Variants in NAV1 observed in about 807,000 individuals in gnomAD.
NAV1 encodes neuron navigator 1.
Under a neutral mutation model 175.2 loss-of-function variants are expected in NAV1, and 18 were observed. The ratio of observed to expected loss-of-function variants is 0.10; its 90% CI spans 0.07 to 0.15. The LOEUF is 0.15. Ranked by LOEUF, NAV1 falls within the 10% of genes least tolerant of loss-of-function variation. The probability of loss-of-function intolerance (pLI) is 1.00; values close to 1 mark genes in which losing one functional copy is unlikely to be tolerated. For missense variants in NAV1, 1,731 were observed against 2,436.6 expected (o/e 0.71, Z 6.10); for synonymous variants, 897 against 978.7 (o/e 0.92, Z 1.56).
At chr1:201,685,535 C>G (rs899818928) in intron 1 of NAV1, among the ~76,000 whole-genome samples, 1 of 152,154 alleles carries the variant, frequency 6.6e-6, no homozygotes, top group African/African-American at 2.4e-5. Context: ...CTCATTTCCT[C>G]TGTATCTGGT....
chr1:201,596,061 A>C (rs986659077), intron 2 of NAV1, among the ~76,000 whole-genome samples: 1 of 152,234 alleles, frequency 6.6e-6, no homozygotes, highest in African/African-American at 2.4e-5. Context: ...TGATTAAGGC[A>C]AGCGCCTTAA....
At chr1:201,556,982 A>T (rs1447207234) in intron 1 of NAV1, among the ~76,000 whole-genome samples, 1 of 152,198 alleles carries the variant, frequency 6.6e-6, no homozygotes, top group Non-Finnish European at 1.5e-5. Flanking sequence ...TGAGTCAGCC[A>T]GGGTCCCGGG....
intron 1 of NAV1, among the ~76,000 whole-genome samples, chr1:201,576,393 T>C (rs890759761): frequency 6.6e-6 from 1 of 152,342 alleles, no homozygotes; most frequent in East Asian, 1.9e-4. Flanking sequence ...CCATAGTTTG[T>C]TTAATCATTC....
At chr1:201,725,044 G>A (rs1205721853) in intron 3 of NAV1, 1 of 152,206 alleles carries the variant, frequency 6.6e-6, no homozygotes, top group African/African-American at 2.4e-5. Flanking sequence ...CAGGGCCCCA[G>A]CCTCTGCAGC....
At chr1:201,647,369 G>T (rs1669008439), upstream of NAV1, among the ~76,000 whole-genome samples, 1 of 152,188 alleles carries the variant, frequency 6.6e-6, no homozygotes, top group Admixed American at 6.5e-5. Context: ...GCTTAACTCT[G>T]GCAGGCAAGG....
chr1:201,555,813 G>A (rs1183101230), intron 1 of NAV1, among the ~76,000 whole-genome samples: 1 of 143,884 alleles, frequency 7.0e-6, no homozygotes, highest in Non-Finnish European at 1.5e-5. Flanking sequence ...GGGGATTCGG[G>A]AGCCAGATGG....
chr1:201,700,740 A>G (rs2102440255), intron 1 of NAV1, among the ~76,000 whole-genome samples: 1 of 152,260 alleles, frequency 6.6e-6, no homozygotes, highest in Non-Finnish European at 1.5e-5. Context: ...TGCCGGGCGC[A>G]ATGGCTCACG....
chr1:201,767,097 G>A (rs1006723205), intron 3 of NAV1, among the ~76,000 whole-genome samples: 2 of 151,612 alleles, frequency 1.3e-5, no homozygotes, highest in African/African-American at 2.4e-5. Context: ...GGGATTACAG[G>A]TGTGAGCCAC....
intron 1 of NAV1, among the ~76,000 whole-genome samples, chr1:201,697,837 T>C (rs576752425): frequency 6.6e-6 from 1 of 152,298 alleles, no homozygotes; most frequent in South Asian, 2.1e-4. Context: ...GCACCCACTG[T>C]GTTTGAGGTG....
rs1471693659 is a variant in NAV1 at position 201,694,099 on chromosome 1, G to T, written c.758-18718G>T. 6.6e-6 allele frequency among the ~76,000 whole-genome samples: 1 copy of T among 152,204 alleles called. No individual in the cohort carries two copies. The highest frequency in any genetic ancestry group is 2.1e-4 in the South Asian group (1 of 4,826). ...TCAATTCAGTCAAGACTCTGCTCAC[G>T]CCTGTCCCCAGGAGCAAAGCCTTGG... On this transcript the variant is annotated intron_variant, in intron 1 of 29. Coordinates refer to ENST00000367296, the Ensembl canonical transcript of NAV1. The surrounding 1 kb of genome is among the most constrained non-coding windows in gnomAD (Gnocchi z 4.2).
chr1:201,772,478 T>C (rs1314643366), intron 3 of NAV1, among the ~76,000 whole-genome samples: 1 of 152,078 alleles, frequency 6.6e-6, no homozygotes, highest in Admixed American at 6.6e-5. Context: ...CTGGGGAACA[T>C]AGGAAGTAGG....
chr1:201,657,054 G>T (rs1209151354), intron 1 of NAV1, among the ~76,000 whole-genome samples: 1 of 152,192 alleles, frequency 6.6e-6, no homozygotes, highest in Non-Finnish European at 1.5e-5. Context: ...AACATCCCCA[G>T]ACTGAGGCTG....
chr1:201,636,699 A>C (rs1261317604), intron 2 of NAV1, among the ~76,000 whole-genome samples: 2 of 151,986 alleles, frequency 1.3e-5, no homozygotes, highest in African/African-American at 4.8e-5. Context: ...AGGAAATGAG[A>C]GTGTCCTGTG....
At chr1:201,659,862 C>T (rs664896) in intron 1 of NAV1, among the ~76,000 whole-genome samples, 69,775 of 152,036 alleles carry the variant, frequency 0.46, 16,641 homozygotes, top group East Asian at 0.64. Context: ...ACCTTCATCT[C>T]TCTCTGTTCC....
At chr1:201,814,808 G>A (rs1364949962) in intron 28 of NAV1, among the ~76,000 whole-genome samples, 1 of 152,048 alleles carries the variant, frequency 6.6e-6, no homozygotes, top group Non-Finnish European at 1.5e-5. Context: ...GGGAGGCCAA[G>A]GCAGGCGGAT....
At chr1:201,594,327 A>C (rs1308474037) in intron 2 of NAV1, among the ~76,000 whole-genome samples, 1 of 152,142 alleles carries the variant, frequency 6.6e-6, no homozygotes, top group Non-Finnish European at 1.5e-5. Context: ...GGGGCTCAGC[A>C]TGACCCAGGA....
intron 3 of NAV1, among the ~76,000 whole-genome samples, chr1:201,719,882 G>C (rs1488833805): frequency 6.6e-6 from 1 of 152,120 alleles, no homozygotes; most frequent in Non-Finnish European, 1.5e-5. Flanking sequence ...GAAAAGACGA[G>C]AGCCAAGCTC....
chr1:201,766,703 C>T (rs879423085), intron 3 of NAV1, among the ~76,000 whole-genome samples: 1 of 152,156 alleles, frequency 6.6e-6, no homozygotes, highest in Non-Finnish European at 1.5e-5. Flanking sequence ...CCAAATGTAA[C>T]TACTGTAGCA....
intron 2 of NAV1, among the ~76,000 whole-genome samples, chr1:201,614,921 C>T (rs1378366382): frequency 6.6e-6 from 1 of 152,164 alleles, no homozygotes; most frequent in Non-Finnish European, 1.5e-5. Flanking sequence ...TTAATATAGG[C>T]AAAGCACTTA....
Sources: gnomAD v4.1 joint callset for allele counts (sites outside exome capture counted in the v4.1 genomes callset) on GRCh38, gnomAD v4.1.1 for gene constraint, Gnocchi (gnomAD v3.1) non-coding constraint, MANE v1.5 for transcripts, NCBI Gene and HGNC (gene_info 2026-07-23, HGNC 2026-07-21) for gene names.